GRID1: variants seen among roughly 807,000 people sequenced by gnomAD.
The protein encoded by GRID1 is glutamate ionotropic receptor delta type subunit 1, also known as glutamate receptor ionotropic, delta-1.
GRID1 carries 28 observed loss-of-function variants against 98.0 expected under a neutral mutation model. That is an observed-to-expected ratio of 0.29 (90% CI 0.21 to 0.39). The LOEUF (loss-of-function observed/expected upper bound fraction) is 0.39, where lower values mean the gene tolerates loss of function less well. Ranked by LOEUF, GRID1 falls within the 10% of genes least tolerant of loss-of-function variation. The pLI is 1.00. For synonymous variants in GRID1, 553 were observed against 538.5 expected, an observed-to-expected ratio of 1.03 and a Z score of -0.37; for missense variants, 1,111 against 1,340.5, an observed-to-expected ratio of 0.83 and a Z score of 2.67.
At chr10:86,007,034 C>T (rs1460025496) in intron 4 of GRID1, among the ~76,000 whole-genome samples, 2 of 152,070 alleles carry the variant, frequency 1.3e-5, no homozygotes, top group Admixed American at 6.5e-5. Flanking sequence ...GGTCACACTC[C>T]GCAGTTTAAT....
At chr10:86,157,255 T>G (rs984552013) in intron 3 of GRID1, among the ~76,000 whole-genome samples, 5 of 152,138 alleles carry the variant, frequency 3.3e-5, no homozygotes, top group African/African-American at 1.2e-4. Context: ...ACAGATGTAA[T>G]TTGCTGTGTC....
intron 2 of GRID1, among the ~76,000 whole-genome samples, chr10:86,299,632 A>T (rs1424690289): frequency 1.3e-5 from 2 of 152,138 alleles, no homozygotes; most frequent in African/African-American, 4.8e-5. Flanking sequence ...ACTTGGACAC[A>T]GGAAGTGGGC....
intron 8 of GRID1, among the ~76,000 whole-genome samples, chr10:85,817,755 G>A (rs1842728751): frequency 6.6e-6 from 1 of 151,936 alleles, no homozygotes; most frequent in Non-Finnish European, 1.5e-5. Flanking sequence ...AGCCAGGAGT[G>A]TGGCATGTGC....
intron 8 of GRID1, among the ~76,000 whole-genome samples, chr10:85,761,370 C>T (rs772258123): frequency 2.0e-5 from 3 of 152,156 alleles, no homozygotes; most frequent in Non-Finnish European, 4.4e-5. Context: ...GAAATTGACT[C>T]CTGGAGTTCT....
At chr10:86,006,991 G>C (rs543844110) in intron 4 of GRID1, among the ~76,000 whole-genome samples, 1 of 152,016 alleles carries the variant, frequency 6.6e-6, no homozygotes, top group Non-Finnish European at 1.5e-5. Flanking sequence ...AGCAATCCCC[G>C]TCGTCCTTGG....
rs536577639 is a variant in GRID1 at position 86,245,790 on chromosome 10, C to T, written c.236-39142G>A. Among the ~76,000 whole-genome samples, 17 of 152,370 alleles carry T rather than the reference C, an allele frequency of 1.1e-4. No homozygotes were observed. The South Asian group carries it at 2.7e-3, about 24-fold the overall frequency. ...GCAGAAAGGAAGCCCCCGCTTCCCACCAGCCACAGCTGGCCGGCCTTGGGC... is the reference window on the plus strand; with the variant it reads ...GCAGAAAGGAAGCCCCCGCTTCCCATCAGCCACAGCTGGCCGGCCTTGGGC... On this transcript the variant is annotated intron_variant, in intron 2 of 15. Coordinates refer to ENST00000327946, the MANE Select transcript of GRID1 (RefSeq NM_017551.3).
chr10:86,204,537 C>G (rs901002986), intron 3 of GRID1, among the ~76,000 whole-genome samples: 2 of 152,202 alleles, frequency 1.3e-5, no homozygotes, highest in Admixed American at 1.3e-4. Context: ...GGACCTGCAT[C>G]TTGAGAAGAG....
intron 4 of GRID1, among the ~76,000 whole-genome samples, chr10:86,131,245 C>T (rs979122970): frequency 6.6e-6 from 1 of 152,144 alleles, no homozygotes; most frequent in Admixed American, 6.5e-5. Context: ...CTTCAGTCAA[C>T]AAGCAGGCTG....
intron 2 of GRID1, among the ~76,000 whole-genome samples, chr10:86,247,314 T>C (rs576637452): frequency 6.7e-6 from 1 of 149,274 alleles, no homozygotes; most frequent in South Asian, 2.1e-4. Context: ...TATGAGTGGA[T>C]GGGTGGGTAG....
chr10:86,317,000 T>C (rs1465627023), intron 2 of GRID1, among the ~76,000 whole-genome samples: 1 of 152,122 alleles, frequency 6.6e-6, no homozygotes, highest in Non-Finnish European at 1.5e-5. Context: ...CAGGAATCTG[T>C]ATAAAAGTAC....
intron 4 of GRID1, among the ~76,000 whole-genome samples, chr10:86,060,273 A>AC (rs1391960853): frequency 6.6e-6 from 1 of 151,946 alleles, no homozygotes; most frequent in African/African-American, 2.4e-5. Flanking sequence ...CTACAAGTTG[A>AC]CCCCCTCCCC....
chr10:85,686,435 T>C (rs78726066), intron 12 of GRID1, among the ~76,000 whole-genome samples: 4,963 of 152,316 alleles, frequency 0.033, 127 homozygotes, highest in Middle Eastern at 0.048. Flanking sequence ...TGGCAAAATA[T>C]TGAAACAATC....
intron 10 of GRID1, among the ~76,000 whole-genome samples, chr10:85,726,169 G>A (rs1366115098): frequency 6.6e-6 from 1 of 152,080 alleles, no homozygotes; most frequent in Non-Finnish European, 1.5e-5. Context: ...AAATTTCATA[G>A]GAATTAGAGG....
At chr10:85,886,329 C>A (rs897372451) in intron 5 of GRID1, among the ~76,000 whole-genome samples, 1 of 152,072 alleles carries the variant, frequency 6.6e-6, no homozygotes, top group African/African-American at 2.4e-5. Flanking sequence ...TCTGAATTGC[C>A]CTACCTTGAA....
chr10:86,257,367 T>C (rs933113163), intron 2 of GRID1, among the ~76,000 whole-genome samples: 1 of 152,200 alleles, frequency 6.6e-6, no homozygotes, highest in Non-Finnish European at 1.5e-5. Flanking sequence ...AGAGACTTAA[T>C]ACAGTGTGTG....
intron 12 of GRID1, among the ~76,000 whole-genome samples, chr10:85,676,197 C>T (rs566574949): frequency 2.0e-5 from 3 of 152,260 alleles, no homozygotes; most frequent in East Asian, 3.9e-4. Context: ...GAGCCTGTTC[C>T]TTCTGTGAGT....
chr10:86,101,794 T>C (rs1844300291), intron 4 of GRID1, among the ~76,000 whole-genome samples: 1 of 152,128 alleles, frequency 6.6e-6, no homozygotes, highest in Non-Finnish European at 1.5e-5. Flanking sequence ...GCATGCACTA[T>C]GCCTGGCTTG....
At chr10:85,703,562 C>A (rs975398317) in intron 12 of GRID1, among the ~76,000 whole-genome samples, 3 of 151,918 alleles carry the variant, frequency 2.0e-5, no homozygotes, top group Non-Finnish European at 4.4e-5. Flanking sequence ...TTTAGTATTA[C>A]CTTACATAAG....
chr10:85,836,324 T>G (rs1842911012), intron 8 of GRID1, among the ~76,000 whole-genome samples: 1 of 152,028 alleles, frequency 6.6e-6, no homozygotes, highest in Non-Finnish European at 1.5e-5. Context: ...ATGACTGGTA[T>G]GCTTTTAACA....
Sources: allele counts gnomAD v4.1 joint callset (sites outside exome capture counted in the v4.1 genomes callset), GRCh38; gene constraint gnomAD v4.1.1; transcripts MANE v1.5; gene names NCBI Gene and HGNC (gene_info 2026-07-23, HGNC 2026-07-21).